DSG3: variants seen among roughly 807,000 people sequenced by gnomAD.
DSG3 encodes the protein desmoglein 3.
A neutral mutation model predicts 85.9 loss-of-function variants in DSG3; 63 were observed. The ratio of observed to expected loss-of-function variants is 0.73; its 90% CI spans 0.60 to 0.90. The LOEUF is 0.90. DSG3 is among the 40% of genes least tolerant of loss of function. DSG3 has a pLI of 0.00. For missense variants in DSG3, 1,220 were observed against 1,219.9 expected, an observed-to-expected ratio of 1.00 and a Z score of 0.00; for synonymous variants, 447 against 441.9, an observed-to-expected ratio of 1.01 and a Z score of -0.14.
chr18:31,467,121 A>T (rs1404635835), intron 11 of DSG3, among the ~76,000 whole-genome samples: 1 of 152,318 alleles, frequency 6.6e-6, no homozygotes, highest in East Asian at 1.9e-4. Flanking sequence ...TGGGAGGATC[A>T]TCTGAGTTCA....
Position 31,476,272 on chromosome 18 carries a change from T to G in DSG3, c.*12T>G. 1.9e-6 allele frequency: 3 copies of G among 1,594,458 alleles called. No individual in the cohort carries two copies. The highest frequency in any genetic ancestry group is 2.6e-6 in the Non-Finnish European group (3 of 1,169,560). ...CCCGTCTAATATGACCAGAATGAGC[T>G]GGAATACCACACTGACCAAATCTGG... is the stretch of plus-strand genomic sequence containing the variant. On this transcript the variant is annotated 3_prime_UTR_variant, in exon 16 of 16. Coordinates refer to ENST00000257189, the MANE Select transcript of DSG3 (RefSeq NM_001944.3).
At chr18:31,450,292 G>A (rs570403273) in intron 1 of DSG3, among the ~76,000 whole-genome samples, 32 of 152,284 alleles carry the variant, frequency 2.1e-4, no homozygotes, top group African/African-American at 6.0e-4. Context: ...TATAATCAAA[G>A]GCAGGCACAG....
intron 11 of DSG3, 111 bp from the exon 12 acceptor site, chr18:31,468,978 A>G (rs2072838134): frequency 1.4e-6 from 2 of 1,437,360 alleles, no homozygotes; most frequent in Non-Finnish European, 1.9e-6. Flanking sequence ...TGAGAAATAA[A>G]TGTGTTTTCT....
Position 31,474,187 on chromosome 18 carries a change from C to T in DSG3, c.2168C>T (p.Thr723Ile), listed in dbSNP as rs371194800. The change falls in exon 15 of 16, where the codon ACT becomes ATT. Residue 723 changes from threonine to isoleucine, a missense_variant. By Grantham distance (89) the Thr-to-Ile change is moderately conservative. Coordinates refer to ENST00000257189, the MANE Select transcript of DSG3 (RefSeq NM_001944.3). ...VEGTSGMEMT[T>I]KLGAATESGG... is the part of the protein sequence containing the mutation. ...GGCACTTCAGGAATGGAAATGACCACTAAGCTTGGAGCAGCCACTGAATCT... is the reference window on the plus strand; with the variant it reads ...GGCACTTCAGGAATGGAAATGACCATTAAGCTTGGAGCAGCCACTGAATCT... 2.7e-5 allele frequency: 43 copies of T among 1,614,104 alleles called. No homozygotes were observed. Among genetic ancestry groups the T allele is most frequent in the Non-Finnish European group, 3.6e-5 (42 of 1,180,042 alleles).
chr18:31,472,579 G>T, intron 13 of DSG3, 146 bp from the exon 14 acceptor site: 1 of 1,244,338 alleles, frequency 8.0e-7, no homozygotes. Flanking sequence ...CTCTTCAGAT[G>T]TCAAATCACA....
In DSG3 at chr18:31,476,566, A is replaced by T; in HGVS notation, c.*306A>T. 1 of 263,022 alleles carries T rather than the reference A, an allele frequency of 3.8e-6. No individual in the cohort carries two copies. Among genetic ancestry groups the T allele is most frequent in the Non-Finnish European group, 7.2e-6 (1 of 139,548 alleles). 16.3% of individuals were successfully genotyped at this position (263,022 alleles called of 1,614,324 possible). On this transcript the variant is annotated 3_prime_UTR_variant, in exon 16 of 16. Transcript: ENST00000257189. Reference sequence around the variant, plus strand: ...CTTCTATTTTTCCCCTGCCAAAGGAAGGTGTTTATCATTTTAAAATGCAAT... The same window carrying T: ...CTTCTATTTTTCCCCTGCCAAAGGATGGTGTTTATCATTTTAAAATGCAAT...
chr18:31,469,866 A>G (rs2072845319), intron 12 of DSG3, among the ~76,000 whole-genome samples: 2 of 151,580 alleles, frequency 1.3e-5, no homozygotes, highest in African/African-American at 4.9e-5. Flanking sequence ...ATATGATATT[A>G]ATATTAATAT....
intron 8 of DSG3, 147 bp from the exon 9 acceptor site, chr18:31,463,964 A>G: frequency 1.3e-6 from 1 of 786,764 alleles, no homozygotes; most frequent in Non-Finnish European, 2.0e-6. Flanking sequence ...TCTCTGTCTC[A>G]ACATTACAAT....
chr18:31,458,458 A>G lies in DSG3; in HGVS notation c.230A>G (p.Tyr77Cys). The G allele has an allele frequency of 6.2e-7, 1 of 1,613,948 alleles. No homozygotes were observed. Among genetic ancestry groups the G allele is most frequent in the Non-Finnish European group, 8.5e-7 (1 of 1,179,908 alleles). The change falls in exon 4 of 16, where the codon TAC becomes TGC. Residue 77 changes from tyrosine (Y) to cysteine (C), a missense_variant. Transcript: ENST00000257189. ...RNPIAKITSDYQATQKITYRI... is the reference protein window; with the variant it reads ...RNPIAKITSDCQATQKITYRI... ...TTGGGGCTGTAGATTACTTCAGATTACCAAGCAACCCAGAAAATCACCTAC... is the reference window on the plus strand; with the variant it reads ...TTGGGGCTGTAGATTACTTCAGATTGCCAAGCAACCCAGAAAATCACCTAC...
At chr18:31,455,607 A>G (rs1025704678) in intron 1 of DSG3, among the ~76,000 whole-genome samples, 2 of 152,206 alleles carry the variant, frequency 1.3e-5, no homozygotes, top group African/African-American at 4.8e-5. Context: ...TTGGAACTTG[A>G]TGGATCTGGA....
In DSG3 at chr18:31,465,446, TG is replaced by T; in HGVS notation, c.1402del (p.Ala468ProfsTer2). On this transcript the variant is annotated frameshift_variant, in exon 10 of 16. Coordinates refer to ENST00000257189, the MANE Select transcript of DSG3 (RefSeq NM_001944.3). LOFTEE classifies it high-confidence loss of function. ...AACAAAACAATCACAGCTGAGGTTC[TG>T]GCCATAGATGGTAAGAAAAATATTT... ...IVNKTITAEV[L>X]AIDEYTGKTS... 6.7e-7 allele frequency: 1 copy of T among 1,490,722 alleles called. No homozygotes were observed. Among genetic ancestry groups the T allele is most frequent in the Non-Finnish European group, 8.9e-7 (1 of 1,121,186 alleles). The allele number at this position is 1,490,722 out of a possible 1,614,324, so 92.3% of individuals were successfully genotyped here.
rs886734739 is a variant in DSG3, at chr18:31,476,764, C to A, written c.*504C>A. On this transcript the variant is annotated 3_prime_UTR_variant, in exon 16 of 16. Transcript: ENST00000257189. Reference sequence around the variant, plus strand: ...CATGAGGTCAGGAGATCGAGACCATCCTGGCTAACAAGGTGAAACCCCGTC... The same window carrying A: ...CATGAGGTCAGGAGATCGAGACCATACTGGCTAACAAGGTGAAACCCCGTC... 1.3e-5 allele frequency: 2 copies of A among 151,984 alleles called. No individual in the cohort carries two copies. Among genetic ancestry groups the A allele is most frequent in the African/African-American group, 4.8e-5 (2 of 41,270 alleles). 9.4% of individuals were successfully genotyped at this position (151,984 alleles called of 1,614,324 possible).
Position 31,466,623 on chromosome 18 carries a change from T to G in DSG3, c.1505T>G (p.Val502Gly). Reference protein sequence around the residue: ...CPTAVLEKDAVCSSSPSVVVS... With the variant: ...CPTAVLEKDAGCSSSPSVVVS... ...ACAGCTGTCCTCGAAAAAGATGCAG[T>G]TTGCAGTTCTTCACCTTCCGTGGTT... Residue 502 changes from valine to glycine, a missense_variant, in exon 11 of 16, where the codon GTT (valine) becomes GGT (glycine). Coordinates refer to ENST00000257189, the MANE Select transcript of DSG3 (RefSeq NM_001944.3). 6.2e-7 allele frequency: 1 copy of G among 1,614,192 alleles called. No homozygotes were observed. Among genetic ancestry groups the G allele is most frequent in the Non-Finnish European group, 8.5e-7 (1 of 1,180,026 alleles).
chr18:31,448,998 T>A (rs905841807), intron 1 of DSG3, among the ~76,000 whole-genome samples: 2 of 152,118 alleles, frequency 1.3e-5, no homozygotes, highest in Non-Finnish European at 2.9e-5. Flanking sequence ...GGGGTTCAAG[T>A]GATTCTCGTG....
rs778064256 is a variant in DSG3, at chr18:31,469,332, G to A, written c.1880G>A (p.Gly627Asp). ...GPAAIGLLLL[G>D]LLLLLLAPLL... is the part of the protein sequence containing the mutation. ...GCCGCCATCGGCCTGCTGCTCCTTG[G>A]TCTCCTGCTGCTGCTGTGTGAGTAG... is the stretch of plus-strand genomic sequence containing the variant. The change falls in exon 12 of 16, where the codon GGT (glycine) becomes GAT (aspartate). Residue 627 changes from glycine (G) to aspartate (D), a missense_variant. Transcript: ENST00000257189. 1 of 1,612,920 alleles carries A rather than the reference G, an allele frequency of 6.2e-7. No homozygotes were observed. Among genetic ancestry groups the A allele is most frequent in the East Asian group, 2.2e-5 (1 of 44,878 alleles).
At chr18:31,457,946 T>C (rs561514739) in intron 3 of DSG3, among the ~76,000 whole-genome samples, 1 of 152,168 alleles carries the variant, frequency 6.6e-6, no homozygotes, top group African/African-American at 2.4e-5. Flanking sequence ...CTGTTCTAAC[T>C]TTACATATAT....
At chr18:31,473,383 A>AT (rs1278914238) in intron 14 of DSG3, among the ~76,000 whole-genome samples, 1 of 152,228 alleles carries the variant, frequency 6.6e-6, no homozygotes, top group Admixed American at 6.5e-5. Context: ...TGGCTATTGC[A>AT]TTAATATTAT....
rs569504528 is a variant in DSG3 at position 31,451,505 on chromosome 18, A to T, written c.48+3580A>T. Among the ~76,000 whole-genome samples, 7 of 152,330 alleles carry T rather than the reference A, an allele frequency of 4.6e-5. No homozygotes were observed. In the South Asian group the frequency reaches 1.4e-3, roughly 32 times the overall value. ...ATCTTCAACCACTTTGTTTTCTATA[A>T]AACATCTAAAAAGAAAATCTTTAGA... On this transcript the variant is annotated intron_variant, in intron 1 of 15. Coordinates refer to ENST00000257189, the MANE Select transcript of DSG3 (RefSeq NM_001944.3).
At chr18:31,461,160 G>A in intron 7 of DSG3, 67 bp from the exon 8 acceptor site, 2 of 1,376,466 alleles carry the variant, frequency 1.5e-6, no homozygotes, top group Non-Finnish European at 2.0e-6. Context: ...TTACCATTTA[G>A]AAGAAACATA....
Sources: allele counts gnomAD v4.1 joint callset (sites outside exome capture counted in the v4.1 genomes callset), GRCh38; gene constraint gnomAD v4.1.1; transcripts MANE v1.5; gene names NCBI Gene and HGNC (gene_info 2026-07-23, HGNC 2026-07-21).